The following MGAT4A variants were observed in gnomAD, a reference collection of about 807,000 sequenced individuals.
MGAT4A encodes alpha-1,3-mannosyl-glycoprotein 4-beta-N-acetylglucosaminyltransferase A.
Under a neutral mutation model 74.1 loss-of-function variants are expected in MGAT4A, and 33 were observed. The ratio of observed to expected loss-of-function variants is 0.45; its 90% CI spans 0.34 to 0.60. MGAT4A has a LOEUF of 0.60. MGAT4A is among the 20% of genes least tolerant of loss of function. The pLI, the probability that MGAT4A is intolerant of heterozygous loss-of-function variation, is 0.02. For synonymous variants in MGAT4A, 198 were observed against 210.4 expected (o/e 0.94, Z 0.51); for missense variants, 479 against 628.3 (o/e 0.76, Z 2.54).
intron 1 of MGAT4A, among the ~76,000 whole-genome samples, chr2:98,729,417 C>T (rs957604412): frequency 3.3e-5 from 5 of 152,188 alleles, no homozygotes; most frequent in African/African-American, 1.2e-4. Flanking sequence ...ACATAATTCA[C>T]AGGCTGGCTT....
intron 4 of MGAT4A, among the ~76,000 whole-genome samples, chr2:98,666,915 G>A (rs1001449885): frequency 4.4e-4 from 67 of 152,142 alleles, no homozygotes; most frequent in Non-Finnish European, 2.2e-4. Context: ...TAGATGGCAC[G>A]TGATATGGTT....
At chr2:98,689,337 T>C (rs1702166530) in intron 2 of MGAT4A, among the ~76,000 whole-genome samples, 2 of 152,308 alleles carry the variant, frequency 1.3e-5, no homozygotes, top group Admixed American at 6.5e-5. Context: ...AGAAAGCAGG[T>C]AGTATCACTA....
At chr2:98,645,362 C>T in intron 9 of MGAT4A, 66 bp downstream of exon 9, 1 of 1,219,290 alleles carries the variant, frequency 8.2e-7, no homozygotes. Context: ...CAAGTAGCTA[C>T]TTGGTTTTAG....
In MGAT4A at chr2:98,667,365, A is replaced by G. The variant is rs150051886; in HGVS notation, c.404-4186T>C. ...TGGGTTAACAGGCAGAGGCTGGAAC[A>G]GTTTGGAGGGCTCAGAAGGCAGGAA... On this transcript the variant is annotated intron_variant, in intron 4 of 15. Transcript: ENST00000393487. Among the ~76,000 whole-genome samples, 6 of 152,324 alleles carry G rather than the reference A, an allele frequency of 3.9e-5. No homozygotes were observed. In the East Asian group the frequency reaches 1.2e-3, roughly 29 times the overall value.
chr2:98,697,326 T>C (rs138157802), intron 2 of MGAT4A, among the ~76,000 whole-genome samples: 2 of 152,306 alleles, frequency 1.3e-5, no homozygotes. Context: ...CCATTTATAA[T>C]AACATTTCCA....
chr2:98,727,636 G>A (rs1702785164), intron 1 of MGAT4A, among the ~76,000 whole-genome samples: 1 of 152,084 alleles, frequency 6.6e-6, no homozygotes, highest in African/African-American at 2.4e-5. Flanking sequence ...AATATACCTC[G>A]AAAAATGGCC....
chr2:98,716,691 T>C (rs1450265124), intron 2 of MGAT4A, among the ~76,000 whole-genome samples: 1 of 152,220 alleles, frequency 6.6e-6, no homozygotes, highest in Admixed American at 6.5e-5. Context: ...ATTAGAGTTG[T>C]CCCTTGCTAT....
rs752312209 is a variant in MGAT4A at position 98,639,830 on chromosome 2, C to A, written c.1300G>T (p.Asp434Tyr). The A allele has an allele frequency of 6.2e-7, 1 of 1,611,852 alleles. No individual in the cohort carries two copies. The highest frequency in any genetic ancestry group is 8.5e-7 in the Non-Finnish European group (1 of 1,179,154). Residue 434 changes from aspartate (D) to tyrosine (Y), a missense_variant, in exon 12 of 16, where the codon GAT becomes TAT. Physicochemically the swap from Asp to Tyr is radical, Grantham distance 160. Transcript: ENST00000393487. ...IAGDYILFKFDKPVNVESYLF... is the reference protein window; with the variant it reads ...IAGDYILFKFYKPVNVESYLF... ...AACCTTTCTACATTGACTGGTTTAT[C>A]AAATTTAAACAAGATGTAGTCTCCA...
chr2:98,730,424 G>A (rs1050671816), intron 1 of MGAT4A, among the ~76,000 whole-genome samples: 2 of 152,152 alleles, frequency 1.3e-5, no homozygotes, highest in African/African-American at 2.4e-5. Context: ...GGGAAACGGG[G>A]GCTGCTCTTT....
intron 2 of MGAT4A, among the ~76,000 whole-genome samples, chr2:98,711,262 G>GAAAAAA (rs60628182): frequency 1.8e-5 from 2 of 110,320 alleles, no homozygotes; most frequent in African/African-American, 6.3e-5. Context: ...AGTTAATTTG[G>GAAAAAA]AAAAAAAAAA....
chr2:98,625,710 G>A lies in MGAT4A; in HGVS notation c.1581+13C>T. On this transcript the variant is annotated intron_variant, in intron 15 of 15. Coordinates refer to ENST00000393487, the MANE Select transcript of MGAT4A (RefSeq NM_012214.3). ...AGTTTCTAAGTTGTTTCACTGATTT[G>A]ATATATGCTTACCTCATTAAGAATG... is the stretch of plus-strand genomic sequence containing the variant. 6.3e-7 allele frequency: 1 copy of A among 1,595,324 alleles called. No homozygotes were observed.
intron 2 of MGAT4A, among the ~76,000 whole-genome samples, chr2:98,687,856 GA>G (rs1018088880): frequency 6.6e-6 from 1 of 152,188 alleles, no homozygotes; most frequent in Non-Finnish European, 1.5e-5. Flanking sequence ...TTAACTGTGG[GA>G]ACTTGACAGA....
rs1227004475 is a variant in MGAT4A at position 98,708,404 on chromosome 2, GTA to G, written c.94+17833_94+17834del. 6.6e-5 allele frequency among the ~76,000 whole-genome samples: 10 copies of G among 152,110 alleles called. 2 individuals are homozygous for G. The highest frequency in any genetic ancestry group is 2.4e-4 in the African/African-American group (10 of 41,492). On this transcript the variant is annotated intron_variant, in intron 2 of 15. Coordinates refer to ENST00000393487, the MANE Select transcript of MGAT4A (RefSeq NM_012214.3). ...TAATGAAAAGCCATGAGATTTATAA[GTA>G]CCCTCCTCTGCATCAAAACAATAAA...
At chr2:98,629,568 T>G (rs1303131270) in intron 14 of MGAT4A, among the ~76,000 whole-genome samples, 1 of 152,116 alleles carries the variant, frequency 6.6e-6, no homozygotes, top group African/African-American at 2.4e-5. Flanking sequence ...AAATGATAAG[T>G]AGTTCATCAA....
At chr2:98,631,557 A>ACGGGCGGGCGGAAGAG (rs1701233250) in intron 14 of MGAT4A, among the ~76,000 whole-genome samples, 1 of 152,222 alleles carries the variant, frequency 6.6e-6, no homozygotes, top group Non-Finnish European at 1.5e-5. Flanking sequence ...AAGGAAGCAC[A>ACGGGCGGGCGGAAGAG]CGGGCGGGCG....
At chr2:98,695,660 G>C (rs1210943216) in intron 2 of MGAT4A, among the ~76,000 whole-genome samples, 1 of 152,106 alleles carries the variant, frequency 6.6e-6, no homozygotes, top group Admixed American at 6.5e-5. Context: ...TCCCTGATTT[G>C]TGTTTGTCTT....
intron 5 of MGAT4A, among the ~76,000 whole-genome samples, chr2:98,659,319 T>C (rs1414086742): frequency 2.6e-5 from 4 of 152,058 alleles, no homozygotes; most frequent in Admixed American, 6.6e-5. Flanking sequence ...CAAATGTAAA[T>C]AATTATGAGC....
Position 98,621,196 on chromosome 2 carries a change from G to A in MGAT4A, c.*4370C>T, listed in dbSNP as rs372225812. 1.2e-4 allele frequency: 58 copies of A among 483,294 alleles called. 1 individual carries two copies. Among genetic ancestry groups the A allele is most frequent in the African/African-American group, 1.1e-3 (57 of 50,438 alleles). 29.9% of individuals were successfully genotyped at this position (483,294 alleles called of 1,614,324 possible). ...TTCTGTAGGTCAGAAGTCCAAGCAG[G>A]CTTAAGTGAGTTCTCGGCTTAGGGT... is the stretch of plus-strand genomic sequence containing the variant. On this transcript the variant is annotated 3_prime_UTR_variant, in exon 16 of 16. Transcript: ENST00000393487.
intron 2 of MGAT4A, among the ~76,000 whole-genome samples, chr2:98,716,997 A>T (rs1702602112): frequency 1.3e-5 from 2 of 152,202 alleles, no homozygotes; most frequent in Admixed American, 1.3e-4. Context: ...CTGTGTATAC[A>T]GAGGGCCGAC....
Sources: allele counts gnomAD v4.1 joint callset (sites outside exome capture counted in the v4.1 genomes callset), GRCh38; gene constraint gnomAD v4.1.1; transcripts MANE v1.5; gene names NCBI Gene and HGNC (gene_info 2026-07-23, HGNC 2026-07-21).